Variants in TENM2 observed in about 807,000 individuals in gnomAD.
TENM2 encodes teneurin-2.
Under a neutral mutation model 245.2 loss-of-function variants are expected in TENM2, and 52 were observed. That is an observed-to-expected ratio of 0.21 (90% CI 0.17 to 0.27). TENM2 has a LOEUF of 0.27. Among genes scored for constraint, TENM2 ranks in the 10% least tolerant of loss-of-function variants. The pLI is 1.00. For synonymous variants in TENM2, 1,363 were observed against 1,438.9 expected (o/e 0.95, Z 1.19); for missense variants, 3,046 against 3,666.8 (o/e 0.83, Z 4.37).
the TENM2 span, among the ~76,000 whole-genome samples, chr5:167,039,714 T>C: frequency 7.4e-6 from 1 of 135,372 alleles, no homozygotes; most frequent in African/African-American, 3.1e-5. Context: ...TTAGCATTGG[T>C]TTCACTTTAA....
chr5:167,253,259 T>C, the TENM2 span, among the ~76,000 whole-genome samples: 1 of 150,710 alleles, frequency 6.6e-6, no homozygotes, highest in African/African-American at 2.4e-5. Context: ...CCTGGCTTTT[T>C]TTTTTTTTTT....
At chr5:168,131,407 C>T (rs912534932) in intron 12 of TENM2, among the ~76,000 whole-genome samples, 1 of 152,204 alleles carries the variant, frequency 6.6e-6, no homozygotes, top group Non-Finnish European at 1.5e-5. Flanking sequence ...TGCCCAGGTG[C>T]CACAAGTCAG....
chr5:167,206,317 T>C, the TENM2 span, among the ~76,000 whole-genome samples: 8 of 152,182 alleles, frequency 5.3e-5, no homozygotes, highest in Non-Finnish European at 1.2e-4. Flanking sequence ...ACACTGTGTT[T>C]TATTATTTCT....
At chr5:168,177,790 T>A (rs1389299836) in intron 13 of TENM2, among the ~76,000 whole-genome samples, 1 of 152,108 alleles carries the variant, frequency 6.6e-6, no homozygotes, top group African/African-American at 2.4e-5. Context: ...TGAGCCAAGA[T>A]TGCACCACTG....
At chr5:167,353,562 C>T (rs1253449634) in intron 1 of TENM2, among the ~76,000 whole-genome samples, 3 of 114,650 alleles carry the variant, frequency 2.6e-5, no homozygotes, top group South Asian at 3.2e-4. Flanking sequence ...GGCTGGAGTG[C>T]AGTGGCGGGA....
At chr5:167,108,284 T>A in the TENM2 span, among the ~76,000 whole-genome samples, 2 of 151,908 alleles carry the variant, frequency 1.3e-5, no homozygotes, top group Non-Finnish European at 2.9e-5. Context: ...GGCCACCACG[T>A]CCAGCTAGTT....
chr5:167,145,866 T>C, the TENM2 span, among the ~76,000 whole-genome samples: 1 of 152,180 alleles, frequency 6.6e-6, no homozygotes, highest in Non-Finnish European at 1.5e-5. Flanking sequence ...GAATAGACAA[T>C]GGGCACCACT....
At chr5:167,476,589 T>C (rs1361620308) in intron 2 of TENM2, among the ~76,000 whole-genome samples, 3 of 151,874 alleles carry the variant, frequency 2.0e-5, no homozygotes, top group Non-Finnish European at 4.4e-5. Flanking sequence ...ATATAGCTGG[T>C]TTTTGTTTTT....
intron 2 of TENM2, among the ~76,000 whole-genome samples, chr5:167,506,549 G>A (rs746849023): frequency 1.1e-4 from 17 of 152,140 alleles, no homozygotes; most frequent in Admixed American, 4.6e-4. Flanking sequence ...TATATTTAAA[G>A]ATATTTTTAA....
the TENM2 span, among the ~76,000 whole-genome samples, chr5:167,154,193 G>A: frequency 1.9e-3 from 286 of 152,296 alleles, 2 homozygotes; most frequent in Non-Finnish European, 3.2e-4. Context: ...ATGTATTGAA[G>A]AATAGTGCCT....
intron 5 of TENM2, among the ~76,000 whole-genome samples, chr5:168,045,530 G>T (rs1020887438): frequency 4.6e-5 from 7 of 152,160 alleles, no homozygotes; most frequent in Non-Finnish European, 1.0e-4. Flanking sequence ...TGGGGAGGTT[G>T]TCATCTTTGC....
chr5:167,026,292 G>A, the TENM2 span, among the ~76,000 whole-genome samples: 1 of 152,182 alleles, frequency 6.6e-6, no homozygotes, highest in African/African-American at 2.4e-5. Flanking sequence ...GAACTTAGAT[G>A]TGCAGCTTCT....
the TENM2 span, among the ~76,000 whole-genome samples, chr5:167,079,882 A>G: frequency 1.6e-4 from 25 of 152,190 alleles, no homozygotes; most frequent in Admixed American, 1.4e-3. Context: ...GAGCCTTCAC[A>G]TGAAAAGATG....
chr5:167,329,588 C>T (rs1384398322), intron 1 of TENM2, among the ~76,000 whole-genome samples: 1 of 125,530 alleles, frequency 8.0e-6, no homozygotes, highest in Non-Finnish European at 1.7e-5. Flanking sequence ...AAAGAGGTGG[C>T]ATACTCCCCT....
At chr5:167,925,726 TG>T (rs1183202535) in intron 3 of TENM2, among the ~76,000 whole-genome samples, 2 of 152,184 alleles carry the variant, frequency 1.3e-5, no homozygotes, top group African/African-American at 4.8e-5. Flanking sequence ...AATGACAGAT[TG>T]GATTTTTAAA....
chr5:167,882,740 C>A (rs1773980210), intron 3 of TENM2, among the ~76,000 whole-genome samples: 1 of 152,060 alleles, frequency 6.6e-6, no homozygotes, highest in Admixed American at 6.6e-5. Context: ...GGGAAACTGC[C>A]CAGTGATCCA....
chr5:168,185,015 A>AT, intron 13 of TENM2: 1 of 152,376 alleles, frequency 6.6e-6, no homozygotes, highest in East Asian at 1.9e-4. Context: ...ATTCCCAGGC[A>AT]TCTGGTTTCT....
chr5:167,446,113 T>C (rs1161457087), intron 2 of TENM2, among the ~76,000 whole-genome samples: 3 of 152,158 alleles, frequency 2.0e-5, no homozygotes, highest in Non-Finnish European at 4.4e-5. Context: ...TTGGCAAATA[T>C]ATTAAATAAA....
At position 167,526,063 on chromosome 5, in the gene TENM2, C is replaced by A. The variant is rs1006290123; in HGVS notation, c.502+150590C>A. Among the ~76,000 whole-genome samples the A allele has an allele frequency of 3.3e-5, 5 of 151,612 alleles. No individual in the cohort carries two copies. In the East Asian group the frequency reaches 9.7e-4, roughly 29 times the overall value. On this transcript the variant is annotated intron_variant, in intron 2 of 28. Transcript: ENST00000518659. Reference sequence around the variant, plus strand: ...CCTTGTAAATGGCCAACCCATTTAACAAAAGAAGAAAGACCTGCCTAACAA... The same window carrying A: ...CCTTGTAAATGGCCAACCCATTTAAAAAAAGAAGAAAGACCTGCCTAACAA...
Sources: gnomAD v4.1 joint callset for allele counts (sites outside exome capture counted in the v4.1 genomes callset) on GRCh38, gnomAD v4.1.1 for gene constraint, MANE v1.5 for transcripts, NCBI Gene and HGNC (gene_info 2026-07-23, HGNC 2026-07-21) for gene names.